The following BCKDHB variants were observed in gnomAD, a reference collection of about 807,000 sequenced individuals.
BCKDHB encodes the protein branched chain keto acid dehydrogenase E1 subunit beta, also known as 2-oxoisovalerate dehydrogenase subunit beta, mitochondrial.
BCKDHB carries 41 observed loss-of-function variants against 48.5 expected under a neutral mutation model. The observed-to-expected ratio is 0.85, with a 90% CI of 0.66 to 1.10. The LOEUF (loss-of-function observed/expected upper bound fraction) is 1.10, where lower values mean the gene tolerates loss of function less well. Ranked by LOEUF, BCKDHB falls within the 50% of genes least tolerant of loss-of-function variation. The pLI is 0.00. For missense variants in BCKDHB, 496 were observed against 494.2 expected (o/e 1.00, Z -0.03); for synonymous variants, 201 against 174.8 (o/e 1.15, Z -1.18).
chr6:80,277,590 C>T (rs570249946), intron 9 of BCKDHB, among the ~76,000 whole-genome samples: 2 of 150,666 alleles, frequency 1.3e-5, no homozygotes, highest in African/African-American at 4.9e-5. Context: ...GTTTATTTCT[C>T]CTGCTTTGGA....
intron 6 of BCKDHB, among the ~76,000 whole-genome samples, chr6:80,197,976 A>G (rs887084576): frequency 6.8e-6 from 1 of 147,654 alleles, no homozygotes; most frequent in Non-Finnish European, 1.5e-5. Flanking sequence ...CCATCCATCC[A>G]TCCGTCTATG....
intron 8 of BCKDHB, among the ~76,000 whole-genome samples, chr6:80,231,721 C>T (rs904285223): frequency 6.6e-6 from 1 of 152,186 alleles, no homozygotes; most frequent in Non-Finnish European, 1.5e-5. Flanking sequence ...AATCCCAACA[C>T]TTTGGGAGGC....
At chr6:80,384,348 CTTTTT>C in the BCKDHB span, among the ~76,000 whole-genome samples, 4 of 147,576 alleles carry the variant, frequency 2.7e-5, no homozygotes, top group African/African-American at 7.5e-5. Context: ...TCTTCTTCTT[CTTTTT>C]TTTTTTTTTT....
rs1333345898 is a variant in BCKDHB, at chr6:80,182,898, CTATT to C, written c.742+11509_742+11512del. On this transcript the variant is annotated intron_variant, in intron 6 of 9. Coordinates refer to ENST00000320393, the MANE Select transcript of BCKDHB (RefSeq NM_183050.4). ...ATATATTTTTGATATATTTCTGTATCTATTCACATAGGCTTAGCTGGTTTTTATA... is the reference window on the plus strand; with the variant it reads ...ATATATTTTTGATATATTTCTGTATCCACATAGGCTTAGCTGGTTTTTATA... 3.3e-5 allele frequency among the ~76,000 whole-genome samples: 5 copies of C among 152,196 alleles called. No individual in the cohort carries two copies. The East Asian group carries it at 9.7e-4, about 29-fold the overall frequency.
At chr6:80,295,799 A>G (rs566242230) in intron 9 of BCKDHB, among the ~76,000 whole-genome samples, 1 of 151,674 alleles carries the variant, frequency 6.6e-6, no homozygotes, top group Non-Finnish European at 1.5e-5. Context: ...AGACTTATTC[A>G]CTATCATGTG....
chr6:80,174,374 C>T (rs1582286707), intron 6 of BCKDHB, among the ~76,000 whole-genome samples: 2 of 152,142 alleles, frequency 1.3e-5, no homozygotes, highest in East Asian at 3.9e-4. Context: ...TACTATCGTT[C>T]CTCAGTATAC....
intron 9 of BCKDHB, 126 bp downstream of exon 9, chr6:80,273,347 A>G: frequency 1.3e-6 from 1 of 748,016 alleles, no homozygotes; most frequent in South Asian, 1.7e-5. Flanking sequence ...GCATGCTTTC[A>G]TATACTGTGA....
At chr6:80,356,192 A>G in the BCKDHB span, 1 of 152,224 alleles carries the variant, frequency 6.6e-6, no homozygotes, top group Non-Finnish European at 1.5e-5. Context: ...CTCAGTACAC[A>G]TACACCATTG....
the BCKDHB span, among the ~76,000 whole-genome samples, chr6:80,405,550 C>A: frequency 1.3e-5 from 2 of 151,972 alleles, no homozygotes; most frequent in Non-Finnish European, 2.9e-5. Context: ...ATAGGTAAGG[C>A]CTTACTATTG....
chr6:80,335,943 TTAAG>T (rs1769571406), intron 9 of BCKDHB, among the ~76,000 whole-genome samples: 2 of 152,100 alleles, frequency 1.3e-5, no homozygotes, highest in Non-Finnish European at 2.9e-5. Flanking sequence ...TTTAAAATAT[TTAAG>T]TATGGTCTCT....
chr6:80,120,413 T>A (rs139902215), intron 1 of BCKDHB, among the ~76,000 whole-genome samples: 2,281 of 152,304 alleles, frequency 0.015, 34 homozygotes, highest in Non-Finnish European at 0.023. Context: ...TAATTCTAGT[T>A]CTAGATCCTT....
At chr6:80,278,837 T>C (rs989404425) in intron 9 of BCKDHB, among the ~76,000 whole-genome samples, 2 of 152,096 alleles carry the variant, frequency 1.3e-5, no homozygotes, top group Non-Finnish European at 2.9e-5. Flanking sequence ...TCCCCATTCT[T>C]TCCTGGGACG....
chr6:80,332,847 C>T lies in BCKDHB; in HGVS notation c.1039-10817C>T, dbSNP rs536091852. On this transcript the variant is annotated intron_variant, in intron 9 of 9. Coordinates refer to ENST00000320393, the MANE Select transcript of BCKDHB (RefSeq NM_183050.4). ...AGCTCATGCCCTGCATGCAGGCAAACGGCTAGGAATTAATCAGAAAGTTCC... is the reference window on the plus strand; with the variant it reads ...AGCTCATGCCCTGCATGCAGGCAAATGGCTAGGAATTAATCAGAAAGTTCC... Among the ~76,000 whole-genome samples the T allele has an allele frequency of 4.0e-5, 6 of 151,626 alleles. No individual in the cohort carries two copies. In the East Asian group the frequency reaches 5.8e-4, roughly 15 times the overall value.
chr6:80,320,528 C>G (rs1393982219), intron 9 of BCKDHB, among the ~76,000 whole-genome samples: 3 of 152,042 alleles, frequency 2.0e-5, no homozygotes, highest in Non-Finnish European at 1.5e-5. Context: ...CTAATAGGAC[C>G]CAAATCTAAG....
At chr6:80,390,930 G>C in the BCKDHB span, among the ~76,000 whole-genome samples, 5 of 152,104 alleles carry the variant, frequency 3.3e-5, no homozygotes, top group African/African-American at 1.2e-4. Flanking sequence ...TCAGCTGGCA[G>C]CAAATATAAA....
intron 9 of BCKDHB, among the ~76,000 whole-genome samples, chr6:80,288,494 G>C (rs1048990595): frequency 6.6e-6 from 1 of 151,976 alleles, no homozygotes; most frequent in African/African-American, 2.4e-5. Context: ...GCAAGATCAG[G>C]ATCTCATAGA....
the BCKDHB span, among the ~76,000 whole-genome samples, chr6:80,391,930 C>T: frequency 6.6e-6 from 1 of 151,960 alleles, no homozygotes; most frequent in Non-Finnish European, 1.5e-5. Context: ...TTTAAAAAAC[C>T]ATTTCAAAGA....
chr6:80,370,814 ATATATGTGTGTG>A, the BCKDHB span, among the ~76,000 whole-genome samples: 3 of 147,848 alleles, frequency 2.0e-5, no homozygotes, highest in South Asian at 6.4e-4. Flanking sequence ...GTGTGTATAT[ATATATGTGTGTG>A]TGTGTGTGTG....
chr6:80,168,949 C>T lies in BCKDHB; in HGVS notation c.552C>T (p.Ser184=), dbSNP rs1425607714. The change falls in exon 5 of 10, where the codon TCC becomes TCT. Residue 184 remains serine, a synonymous_variant. Coordinates refer to ENST00000320393, the MANE Select transcript of BCKDHB (RefSeq NM_183050.4). ...ACTGTGGAAGCCTCACTATCCGGTCCCCTTGGGGCTGTGTTGGTCATGGGG... is the reference window on the plus strand; with the variant it reads ...ACTGTGGAAGCCTCACTATCCGGTCTCCTTGGGGCTGTGTTGGTCATGGGG... ...LFNCGSLTIR[S]PWGCVGHGAL... is the part of the protein sequence containing the mutation. 2.5e-6 allele frequency: 4 copies of T among 1,614,142 alleles called. 1 individual carries two copies. In the South Asian group the frequency reaches 4.4e-5, roughly 18 times the overall value.
Sources: allele counts gnomAD v4.1 joint callset (sites outside exome capture counted in the v4.1 genomes callset), GRCh38; gene constraint gnomAD v4.1.1; transcripts MANE v1.5; gene names NCBI Gene and HGNC (gene_info 2026-07-23, HGNC 2026-07-21).